The following STK32B variants were observed in gnomAD, a reference collection of about 807,000 sequenced individuals.
STK32B encodes the protein serine/threonine-protein kinase 32B.
A neutral mutation model predicts 52.6 loss-of-function variants in STK32B; 43 were observed. The observed-to-expected ratio is 0.82, with a 90% confidence interval of 0.64 to 1.05. The LOEUF (loss-of-function observed/expected upper bound fraction) is 1.05, where lower values mean the gene tolerates loss of function less well. STK32B is among the 50% of genes least tolerant of loss of function. STK32B has a pLI of 0.00. For synonymous variants in STK32B, 238 were observed against 204.3 expected (o/e 1.17, Z -1.41); for missense variants, 621 against 534.6 (o/e 1.16, Z -1.59).
At chr4:5,473,382 C>T (rs1345865206) in intron 11 of STK32B, among the ~76,000 whole-genome samples, 1 of 152,192 alleles carries the variant, frequency 6.6e-6, no homozygotes, top group African/African-American at 2.4e-5. Flanking sequence ...GCAGGCGTGG[C>T]ATAGATGGTC....
Position 5,334,815 on chromosome 4 carries a change from T to C in STK32B, c.434+3422T>C, listed in dbSNP as rs547672508. ...CGTATATTGAACCAGCCTTGCATCCTGGGGATGAAGCCCACTTGATCATGG... is the reference window on the plus strand; with the variant it reads ...CGTATATTGAACCAGCCTTGCATCCCGGGGATGAAGCCCACTTGATCATGG... On this transcript the variant is annotated intron_variant, in intron 4 of 11. Transcript: ENST00000282908. Among the ~76,000 whole-genome samples, 225 of 151,906 alleles carry C rather than the reference T, an allele frequency of 1.5e-3. 1 individual carries two copies. Among genetic ancestry groups the C allele is most frequent in the East Asian group, 6.6e-3 (34 of 5,158 alleles).
chr4:5,378,852 T>C lies in STK32B; in HGVS notation c.435-19355T>C, dbSNP rs1351604677. ...GGGCTTCACTGCTGACTGGGGCTTG[T>C]GATCCTGGCACGCTGCTGCCATCCT... is the stretch of plus-strand genomic sequence containing the variant. On this transcript the variant is annotated intron_variant, in intron 4 of 11. Transcript: ENST00000282908. This position sits in a 1 kb window ranked among gnomAD's most constrained non-coding sequence, Gnocchi z 4.4. Among the ~76,000 whole-genome samples the C allele has an allele frequency of 6.6e-6, 1 of 152,164 alleles. No homozygotes were observed. Among genetic ancestry groups the C allele is most frequent in the Non-Finnish European group, 1.5e-5 (1 of 68,026 alleles).
chr4:5,436,466 G>C (rs1228978791), intron 6 of STK32B: 2 of 369,278 alleles, frequency 5.4e-6, no homozygotes, highest in African/African-American at 4.4e-5. Context: ...GTGATGGGAA[G>C]ATCTTTTAGC....
chr4:5,398,381 G>C lies in STK32B; in HGVS notation c.472+137G>C. ...AGAAACCTTCTCTTGTTTCAATCCT[G>C]GTGGATCAACATCTGTGTAAATTTC... On this transcript the variant is annotated intron_variant, in intron 5 of 11. Coordinates refer to ENST00000282908, the MANE Select transcript of STK32B (RefSeq NM_018401.3). This position sits in a 1 kb window ranked among gnomAD's most constrained non-coding sequence, Gnocchi z 4.9. 2 of 868,930 alleles carry C rather than the reference G, an allele frequency of 2.3e-6. No individual in the cohort carries two copies. Among genetic ancestry groups the C allele is most frequent in the Non-Finnish European group, 3.6e-6 (2 of 555,062 alleles). The allele number at this position is 868,930 out of a possible 1,614,324, so 53.8% of individuals were successfully genotyped here.
At chr4:5,289,165 A>G (rs1292114623) in intron 3 of STK32B, among the ~76,000 whole-genome samples, 1 of 151,238 alleles carries the variant, frequency 6.6e-6, no homozygotes, top group Non-Finnish European at 1.5e-5. Context: ...TTACAGATAT[A>G]TGTAGGATGT....
chr4:5,336,649 G>A (rs1354819947), intron 4 of STK32B, among the ~76,000 whole-genome samples: 1 of 152,032 alleles, frequency 6.6e-6, no homozygotes, highest in Non-Finnish European at 1.5e-5. Flanking sequence ...TATGCTGGAA[G>A]ATAAAGTCTT....
the STK32B span, among the ~76,000 whole-genome samples, chr4:5,039,536 T>C: frequency 5.3e-5 from 8 of 152,198 alleles, no homozygotes; most frequent in Non-Finnish European, 8.8e-5. Context: ...CTGGGGGACC[T>C]GCCTGAGGCT....
intron 11 of STK32B, among the ~76,000 whole-genome samples, chr4:5,496,352 G>T (rs565360944): frequency 1.3e-5 from 2 of 152,174 alleles, no homozygotes; most frequent in Non-Finnish European, 2.9e-5. Context: ...AGCAATCAGC[G>T]AGACTCCGTG....
chr4:5,168,605 CT>C (rs2108736884), intron 3 of STK32B, among the ~76,000 whole-genome samples, 155 bp downstream of exon 3: 1 of 152,322 alleles, frequency 6.6e-6, no homozygotes, highest in East Asian at 1.9e-4. Context: ...AGTACATTTT[CT>C]GATGAAGTCT....
At chr4:5,285,088 A>T (rs978768443) in intron 3 of STK32B, among the ~76,000 whole-genome samples, 1 of 152,212 alleles carries the variant, frequency 6.6e-6, no homozygotes, top group Admixed American at 6.5e-5. Context: ...TTCTCTTAAG[A>T]TTGTCATAAT....
chr4:5,467,235 A>G lies in STK32B; in HGVS notation c.1041+401A>G, dbSNP rs1717513022. Among the ~76,000 whole-genome samples the G allele has an allele frequency of 1.3e-5, 2 of 152,162 alleles. No homozygotes were observed. The highest frequency in any genetic ancestry group is 4.8e-5 in the African/African-American group (2 of 41,438). The stretch of plus-strand genomic sequence containing the variant: ...TGCCACAAGCTAGGTGGCTTAAAAC[A>G]ACCCACATTGATTCTCTCACGGTTC... On this transcript the variant is annotated intron_variant, in intron 10 of 11. Transcript: ENST00000282908. The surrounding 1 kb of genome is among the most constrained non-coding windows in gnomAD (Gnocchi z 5.8).
At chr4:5,261,033 G>A (rs528757100) in intron 3 of STK32B, among the ~76,000 whole-genome samples, 8 of 152,242 alleles carry the variant, frequency 5.3e-5, no homozygotes, top group East Asian at 1.9e-4. Flanking sequence ...AGGGGGACAC[G>A]TTGGTCAAGG....
At chr4:5,198,269 CAT>C (rs1721855004) in intron 3 of STK32B, among the ~76,000 whole-genome samples, 1 of 152,186 alleles carries the variant, frequency 6.6e-6, no homozygotes, top group South Asian at 2.1e-4. Flanking sequence ...ACTTTTGAAA[CAT>C]ACTGTGAAAT....
intron 3 of STK32B, among the ~76,000 whole-genome samples, chr4:5,322,646 G>A (rs1483438278): frequency 3.3e-5 from 5 of 152,186 alleles, no homozygotes; most frequent in Non-Finnish European, 5.9e-5. Flanking sequence ...GCTGCCTGGA[G>A]ACTAAGAAAG....
At chr4:5,339,692 A>G (rs1322294360) in intron 4 of STK32B, among the ~76,000 whole-genome samples, 1 of 152,178 alleles carries the variant, frequency 6.6e-6, no homozygotes, top group Non-Finnish European at 1.5e-5. Flanking sequence ...TGCCAAGGAT[A>G]TTTATCTTCC....
At chr4:5,391,032 C>T (rs1234533108) in intron 4 of STK32B, among the ~76,000 whole-genome samples, 2 of 144,454 alleles carry the variant, frequency 1.4e-5, no homozygotes, top group Admixed American at 1.5e-4. Context: ...ATGGTGCGAT[C>T]TCGGCTCACT....
At chr4:5,282,413 G>A (rs980015257) in intron 3 of STK32B, among the ~76,000 whole-genome samples, 1 of 152,106 alleles carries the variant, frequency 6.6e-6, no homozygotes, top group Admixed American at 6.6e-5. Context: ...CTATCATGAA[G>A]TTTAATTTCT....
chr4:5,159,768 T>G (rs1178184839), intron 2 of STK32B, among the ~76,000 whole-genome samples: 1 of 143,766 alleles, frequency 7.0e-6, no homozygotes, highest in African/African-American at 2.5e-5. Context: ...AATATATATA[T>G]GAATATATGA....
At chr4:5,388,218 A>G (rs921970626) in intron 4 of STK32B, among the ~76,000 whole-genome samples, 1 of 152,196 alleles carries the variant, frequency 6.6e-6, no homozygotes, top group African/African-American at 2.4e-5. Context: ...CAAATGTGAC[A>G]AATGGTCATC....
Sources: allele counts gnomAD v4.1 joint callset (sites outside exome capture counted in the v4.1 genomes callset), GRCh38; gene constraint gnomAD v4.1.1; non-coding constraint Gnocchi (gnomAD v3.1); transcripts MANE v1.5; gene names NCBI Gene and HGNC (gene_info 2026-07-23, HGNC 2026-07-21).